CAMTA1: variants seen among roughly 807,000 people sequenced by gnomAD.
CAMTA1 encodes the protein calmodulin binding transcription activator 1.
CAMTA1 carries 27 observed loss-of-function variants against 170.9 expected under a neutral mutation model. That is an observed-to-expected ratio of 0.16 (90% CI 0.12 to 0.22). The LOEUF is 0.22. Among genes scored for constraint, CAMTA1 ranks in the 10% least tolerant of loss-of-function variants. The pLI is 1.00. For synonymous variants in CAMTA1, 833 were observed against 891.5 expected (o/e 0.93, Z 1.17); for missense variants, 1,619 against 2,217.2 (o/e 0.73, Z 5.42).
At chr1:7,121,358 G>A (rs141906693) in intron 4 of CAMTA1, among the ~76,000 whole-genome samples, 6 of 152,298 alleles carry the variant, frequency 3.9e-5, no homozygotes, top group African/African-American at 9.6e-5. Flanking sequence ...TACAATTTCC[G>A]ATACACAATG....
At chr1:7,724,098 C>T (rs1318528841) in intron 11 of CAMTA1, among the ~76,000 whole-genome samples, 3 of 152,154 alleles carry the variant, frequency 2.0e-5, no homozygotes, top group South Asian at 2.1e-4. Context: ...GGATTACAGG[C>T]GCGAGCCACT....
intron 6 of CAMTA1, among the ~76,000 whole-genome samples, chr1:7,500,698 G>A (rs2093991529): frequency 2.0e-5 from 3 of 152,290 alleles, no homozygotes; most frequent in South Asian, 4.1e-4. Context: ...ACGGCTCAAA[G>A]TCAGAGGCGT....
chr1:7,559,918 G>A (rs1474268010), intron 6 of CAMTA1, among the ~76,000 whole-genome samples: 18 of 152,312 alleles, frequency 1.2e-4, no homozygotes, highest in East Asian at 1.2e-3. Context: ...GCGAGTTTCC[G>A]GAACCTGTCT....
At position 7,506,712 on chromosome 1, in the gene CAMTA1, C is replaced by T. The variant is rs114826732; in HGVS notation, c.510+38811C>T. 2.2e-3 allele frequency among the ~76,000 whole-genome samples: 336 copies of T among 152,092 alleles called. 1 individual carries two copies. Among genetic ancestry groups the T allele is most frequent in the African/African-American group, 7.8e-3 (325 of 41,482 alleles). On this transcript the variant is annotated intron_variant, in intron 6 of 22. Coordinates refer to ENST00000303635, the MANE Select transcript of CAMTA1 (RefSeq NM_015215.4). ...CACTCGAAATGCACACTCACACGCT[C>T]ACACTCAAAATTCACACTAGCATCA...
intron 4 of CAMTA1, among the ~76,000 whole-genome samples, chr1:7,233,705 C>T (rs958811962): frequency 6.6e-6 from 1 of 152,112 alleles, no homozygotes; most frequent in African/African-American, 2.4e-5. Flanking sequence ...CCAGTTGCTT[C>T]CATGGCCTCG....
chr1:7,701,810 C>T (rs966110993), intron 11 of CAMTA1, among the ~76,000 whole-genome samples: 3 of 152,152 alleles, frequency 2.0e-5, no homozygotes, highest in African/African-American at 4.8e-5. Flanking sequence ...TTTTACAAAA[C>T]AACCCAGGTA....
intron 5 of CAMTA1, among the ~76,000 whole-genome samples, chr1:7,437,235 G>A (rs1056748971): frequency 6.6e-6 from 1 of 152,194 alleles, no homozygotes; most frequent in African/African-American, 2.4e-5. Context: ...CTGGAAAGCG[G>A]ATCATCCTCC....
intron 5 of CAMTA1, among the ~76,000 whole-genome samples, chr1:7,449,500 T>C (rs1320316735): frequency 3.9e-5 from 6 of 152,130 alleles, no homozygotes; most frequent in Non-Finnish European, 8.8e-5. Flanking sequence ...GCCAGGGCAG[T>C]GGCCCAGCCC....
chr1:7,083,678 A>C (rs1422529849), intron 3 of CAMTA1, among the ~76,000 whole-genome samples: 1 of 152,226 alleles, frequency 6.6e-6, no homozygotes, highest in Admixed American at 6.5e-5. Flanking sequence ...ATTTAAATTA[A>C]GGCCAATTAT....
chr1:7,274,100 C>G (rs1267788587), intron 5 of CAMTA1, among the ~76,000 whole-genome samples: 1 of 151,918 alleles, frequency 6.6e-6, no homozygotes, highest in African/African-American at 2.4e-5. Context: ...AGAGATAAAC[C>G]CAGCCATATA....
intron 3 of CAMTA1, among the ~76,000 whole-genome samples, chr1:6,962,417 T>TA (rs1329080403): frequency 4.4e-5 from 6 of 136,278 alleles, no homozygotes; most frequent in African/African-American, 1.6e-4. Context: ...CGATTTGGCC[T>TA]CTTCCCCGGG....
In CAMTA1 at chr1:6,934,041, C is replaced by G. The variant is rs915037719; in HGVS notation, c.234+108831C>G. Among the ~76,000 whole-genome samples, 3 of 152,212 alleles carry G rather than the reference C, an allele frequency of 2.0e-5. No homozygotes were observed. The highest frequency in any genetic ancestry group is 7.2e-5 in the African/African-American group (3 of 41,438). On this transcript the variant is annotated intron_variant, in intron 3 of 22. Transcript: ENST00000303635. This position sits in a 1 kb window ranked among gnomAD's most constrained non-coding sequence, Gnocchi z 4.5. ...GCTGGGATTTTGATTGGGATTGAGC[C>G]TCACATTGCTCTCTGCAGATGGCCT...
intron 5 of CAMTA1, among the ~76,000 whole-genome samples, chr1:7,397,662 A>G (rs2089439225): frequency 6.6e-6 from 1 of 152,006 alleles, no homozygotes; most frequent in Non-Finnish European, 1.5e-5. Flanking sequence ...CTTCTCTCTT[A>G]GAACTTGTAT....
At chr1:7,421,405 C>T (rs77863562) in intron 5 of CAMTA1, among the ~76,000 whole-genome samples, 4,164 of 152,246 alleles carry the variant, frequency 0.027, 199 homozygotes, top group African/African-American at 0.094. Context: ...CCGCCCGTCC[C>T]GGCCTCCTAA....
At chr1:7,282,265 T>C (rs1022900353) in intron 5 of CAMTA1, among the ~76,000 whole-genome samples, 1 of 152,092 alleles carries the variant, frequency 6.6e-6, no homozygotes, top group African/African-American at 2.4e-5. Flanking sequence ...TGACATGGCA[T>C]TTTTCTGGTT....
intron 5 of CAMTA1, among the ~76,000 whole-genome samples, chr1:7,351,430 C>G (rs74052957): frequency 0.013 from 1,943 of 152,350 alleles, 21 homozygotes; most frequent in Middle Eastern, 0.027. Flanking sequence ...GCCAAGGTAC[C>G]TCCCACGACT....
At chr1:7,118,378 G>A (rs1306859073) in intron 4 of CAMTA1, among the ~76,000 whole-genome samples, 3 of 145,696 alleles carry the variant, frequency 2.1e-5, no homozygotes, top group South Asian at 4.3e-4. Flanking sequence ...CTGCAACCTC[G>A]ATCTCCTGGG....
At chr1:7,165,245 A>G (rs1648132422) in intron 4 of CAMTA1, among the ~76,000 whole-genome samples, 1 of 152,216 alleles carries the variant, frequency 6.6e-6, no homozygotes, top group Non-Finnish European at 1.5e-5. Flanking sequence ...ATACCTACAG[A>G]CAAGCATAGA....
At chr1:7,073,680 G>A (rs1638934680) in intron 3 of CAMTA1, among the ~76,000 whole-genome samples, 1 of 152,200 alleles carries the variant, frequency 6.6e-6, no homozygotes, top group African/African-American at 2.4e-5. Context: ...GTAAAATTAA[G>A]ATTAAGAATT....
Sources: gnomAD v4.1 joint callset for allele counts (sites outside exome capture counted in the v4.1 genomes callset) on GRCh38, gnomAD v4.1.1 for gene constraint, Gnocchi (gnomAD v3.1) non-coding constraint, MANE v1.5 for transcripts, NCBI Gene and HGNC (gene_info 2026-07-23, HGNC 2026-07-21) for gene names.